ANKRD44: variants seen among roughly 807,000 people sequenced by gnomAD.
The protein encoded by ANKRD44 is serine/threonine-protein phosphatase 6 regulatory ankyrin repeat subunit B.
A neutral mutation model predicts 116.0 loss-of-function variants in ANKRD44; 35 were observed. The ratio of observed to expected loss-of-function variants is 0.30; its 90% CI spans 0.23 to 0.40. The LOEUF is 0.40. Ranked by LOEUF, ANKRD44 falls within the 10% of genes least tolerant of loss-of-function variation. The pLI, the probability that ANKRD44 is intolerant of heterozygous loss-of-function variation, is 1.00. For synonymous variants in ANKRD44, 435 were observed against 461.8 expected, an observed-to-expected ratio of 0.94 and a Z score of 0.74; for missense variants, 1,014 against 1,242.6, an observed-to-expected ratio of 0.82 and a Z score of 2.77.
chr2:197,075,739 C>T (rs1376063881), intron 16 of ANKRD44, among the ~76,000 whole-genome samples: 1 of 152,126 alleles, frequency 6.6e-6, no homozygotes, highest in Non-Finnish European at 1.5e-5. Flanking sequence ...TTTTTGATTA[C>T]AGCAAAACGG....
rs1350164799 is a variant in ANKRD44, at chr2:197,212,039, GTC to G, written c.28-24935_28-24934del. ...TCACTGAGCCTCTCTCTCTCTCTCAGTCTCTCTCTCTCTCACACACACACACA... is the reference window on the plus strand; with the variant it reads ...TCACTGAGCCTCTCTCTCTCTCTCAGTCTCTCTCTCTCACACACACACACA... On this transcript the variant is annotated intron_variant, in intron 1 of 27. Coordinates refer to ENST00000282272, the MANE Select transcript of ANKRD44 (RefSeq NM_001195144.2). The surrounding 1 kb of genome is among the most constrained non-coding windows in gnomAD (Gnocchi z 4.8). 1.2e-4 allele frequency among the ~76,000 whole-genome samples: 14 copies of G among 116,700 alleles called. No homozygotes were observed. The highest frequency in any genetic ancestry group is 9.4e-4 in the East Asian group (3 of 3,202). The allele number at this position is 116,700 out of a possible 152,430, so 76.6% of individuals were successfully genotyped here. A position where few individuals can be genotyped will look rare whatever the true frequency, so the allele number is the denominator to read the frequency against.
Position 197,114,852 on chromosome 2 carries a change from A to G in ANKRD44, c.907-4008T>C, listed in dbSNP as rs553847461. Among the ~76,000 whole-genome samples, 7 of 152,324 alleles carry G rather than the reference A, an allele frequency of 4.6e-5. No homozygotes were observed. The South Asian group carries it at 8.3e-4, about 18-fold the overall frequency. ...GCCTCCTAAAATACTGGTGTGAAAA[A>G]GCCACACATTGTCCAATTTATTTTG... On this transcript the variant is annotated intron_variant, in intron 8 of 27. Coordinates refer to ENST00000282272, the MANE Select transcript of ANKRD44 (RefSeq NM_001195144.2).
rs2077987508 is a variant in ANKRD44 at position 197,089,094 on chromosome 2, A to C, written c.1184-320T>G. 3.3e-5 allele frequency among the ~76,000 whole-genome samples: 5 copies of C among 152,238 alleles called. No homozygotes were observed. In the South Asian group the frequency reaches 1.0e-3, roughly 32 times the overall value. On this transcript the variant is annotated intron_variant, in intron 11 of 27. Transcript: ENST00000282272. ...AGTAGGGCAATCGACAGGCAGATAG[A>C]ACTCATGGACAAAACATAGAAGCAA...
chr2:197,088,384 A>T (rs959911414), intron 12 of ANKRD44, among the ~76,000 whole-genome samples: 10 of 152,132 alleles, frequency 6.6e-5, no homozygotes, highest in Admixed American at 1.3e-4. Flanking sequence ...AAGAGGAAAA[A>T]CCTAGGAACA....
At chr2:197,056,040 C>A (rs139897405) in intron 16 of ANKRD44, among the ~76,000 whole-genome samples, 228 of 152,218 alleles carry the variant, frequency 1.5e-3, no homozygotes, top group Non-Finnish European at 2.7e-3. Context: ...AGATGTGCCA[C>A]CATGCCTGGC....
At chr2:197,156,104 T>C (rs765272515) in intron 2 of ANKRD44, among the ~76,000 whole-genome samples, 2 of 152,276 alleles carry the variant, frequency 1.3e-5, no homozygotes, top group Non-Finnish European at 2.9e-5. Context: ...CCCATCACTT[T>C]GGGAGGCCAA....
intron 1 of ANKRD44, among the ~76,000 whole-genome samples, chr2:197,266,024 C>T (rs1411385400): frequency 6.6e-6 from 1 of 151,998 alleles, no homozygotes; most frequent in Non-Finnish European, 1.5e-5. Context: ...CAAATGCTCA[C>T]TCTCCAAGCA....
chr2:197,067,472 G>T (rs1338016187), intron 16 of ANKRD44, among the ~76,000 whole-genome samples: 1 of 149,906 alleles, frequency 6.7e-6, no homozygotes, highest in Non-Finnish European at 1.5e-5. Flanking sequence ...CTGACAAAGG[G>T]CTAATATCCA....
At chr2:197,263,224 T>C (rs1343884035) in intron 1 of ANKRD44, 1 of 511,200 alleles carries the variant, frequency 2.0e-6, no homozygotes, top group Non-Finnish European at 3.6e-6. Context: ...CACTGACAGG[T>C]GAGAACCTCA....
chr2:197,125,937 T>C lies in ANKRD44; in HGVS notation c.362A>G (p.Lys121Arg). ...CAGGGGAATGATCACTTCTGCACAT[T>C]TGACAGCCTTGTTGGCTGCTGCCAC... ...LHVAAANKAV[K>R]CAEVIIPLLS... is the part of the protein sequence containing the mutation. The change falls in exon 5 of 28, where the codon AAA becomes AGA. Residue 121 changes from lysine to arginine, a missense_variant. By Grantham distance (26) the Lys-to-Arg change is conservative. Coordinates refer to ENST00000282272, the MANE Select transcript of ANKRD44 (RefSeq NM_001195144.2). 1.2e-6 allele frequency: 2 copies of C among 1,614,214 alleles called. No homozygotes were observed. Among genetic ancestry groups the C allele is most frequent in the South Asian group, 1.1e-5 (1 of 91,084 alleles).
intron 9 of ANKRD44, among the ~76,000 whole-genome samples, chr2:197,103,026 A>G (rs10176740): frequency 0.072 from 10,995 of 152,006 alleles, 1,313 homozygotes; most frequent in African/African-American, 0.25. Context: ...TCAGGAGATC[A>G]AGACCATCCT....
chr2:197,025,416 C>T (rs1182713623), intron 16 of ANKRD44, 149 bp from the exon 17 acceptor site: 1 of 563,022 alleles, frequency 1.8e-6, no homozygotes, highest in Non-Finnish European at 3.2e-6. Context: ...AACAAATATG[C>T]TAACAGAATA....
At chr2:197,231,499 C>T (rs903070606) in intron 1 of ANKRD44, among the ~76,000 whole-genome samples, 4 of 152,104 alleles carry the variant, frequency 2.6e-5, no homozygotes, top group Non-Finnish European at 1.5e-5. Context: ...CATATCTTTC[C>T]ATGGCTCTGC....
downstream of ANKRD44, among the ~76,000 whole-genome samples, chr2:196,982,108 T>TATTATATATATATATATATA (rs2075805174): frequency 1.0e-5 from 1 of 96,550 alleles, no homozygotes; most frequent in African/African-American, 3.7e-5. Flanking sequence ...CTAAAAAAAA[T>TATTATATATATATATATATA]TATATATATA....
chr2:196,989,498 G>A lies in ANKRD44; in HGVS notation c.*93C>T, dbSNP rs1304173658. 2.2e-6 allele frequency: 3 copies of A among 1,364,368 alleles called. No homozygotes were observed. The highest frequency in any genetic ancestry group is 2.8e-6 in the Non-Finnish European group (3 of 1,052,800). 84.5% of individuals were successfully genotyped at this position (1,364,368 alleles called of 1,614,324 possible). On this transcript the variant is annotated 3_prime_UTR_variant, in exon 28 of 28. Transcript: ENST00000282272. ...AGCATTTTGGTCCTCATGTGTAGCT[G>A]GCTGATGAACTACACACACACACAC...
At chr2:197,079,474 C>T (rs781248066) in intron 15 of ANKRD44, among the ~76,000 whole-genome samples, 26 of 152,154 alleles carry the variant, frequency 1.7e-4, no homozygotes, top group Non-Finnish European at 3.5e-4. Flanking sequence ...TCTGAAAAAG[C>T]CACAGTCTTT....
At chr2:197,080,668 T>A (rs2077772673) in intron 15 of ANKRD44, among the ~76,000 whole-genome samples, 1 of 152,180 alleles carries the variant, frequency 6.6e-6, no homozygotes, top group African/African-American at 2.4e-5. Context: ...TCATCCCAAT[T>A]ACCATCGAAG....
At position 196,989,551 on chromosome 2, in the gene ANKRD44, T is replaced by A; in HGVS notation, c.*40A>T. ...ATATATATATATACACACGCACACA[T>A]ATATGTGTGCATGTGTATGTGCATA... is the stretch of plus-strand genomic sequence containing the variant. On this transcript the variant is annotated 3_prime_UTR_variant, in exon 28 of 28. Coordinates refer to ENST00000282272, the MANE Select transcript of ANKRD44 (RefSeq NM_001195144.2). 6.5e-7 allele frequency: 1 copy of A among 1,545,516 alleles called. No individual in the cohort carries two copies. Among genetic ancestry groups the A allele is most frequent in the Non-Finnish European group, 8.7e-7 (1 of 1,144,122 alleles).
intron 16 of ANKRD44, among the ~76,000 whole-genome samples, chr2:197,036,001 A>C (rs1444740580): frequency 6.6e-6 from 1 of 152,068 alleles, no homozygotes; most frequent in Non-Finnish European, 1.5e-5. Flanking sequence ...CTCAGCCCCA[A>C]ATCAACTCTC....
Sources: allele counts gnomAD v4.1 joint callset (sites outside exome capture counted in the v4.1 genomes callset), GRCh38; gene constraint gnomAD v4.1.1; non-coding constraint Gnocchi (gnomAD v3.1); transcripts MANE v1.5; gene names NCBI Gene and HGNC (gene_info 2026-07-23, HGNC 2026-07-21).